CNTN4: variants seen among roughly 807,000 people sequenced by gnomAD.
The protein encoded by CNTN4 is contactin-4.
A neutral mutation model predicts 122.5 loss-of-function variants in CNTN4; 77 were observed. The observed-to-expected ratio is 0.63, with a 90% CI of 0.52 to 0.76. The LOEUF is 0.76. Ranked by LOEUF, CNTN4 falls within the 30% of genes least tolerant of loss-of-function variation. CNTN4 has a pLI of 0.00. For synonymous variants in CNTN4, 512 were observed against 447.0 expected (o/e 1.15, Z -1.83); for missense variants, 1,256 against 1,259.1 (o/e 1.00, Z 0.04).
At chr3:2,545,091 A>G (rs2078188666) in intron 3 of CNTN4, among the ~76,000 whole-genome samples, 1 of 152,038 alleles carries the variant, frequency 6.6e-6, no homozygotes, top group African/African-American at 2.4e-5. Context: ...TATTAGTTTC[A>G]AAGAATTTCT....
intron 3 of CNTN4, among the ~76,000 whole-genome samples, chr3:2,422,722 C>T (rs932680871): frequency 6.6e-6 from 1 of 152,172 alleles, no homozygotes; most frequent in Non-Finnish European, 1.5e-5. Context: ...CTCTTTGTCA[C>T]ATAGTGTAGA....
intron 2 of CNTN4, among the ~76,000 whole-genome samples, chr3:2,168,221 A>G (rs2036288391): frequency 6.6e-6 from 1 of 152,228 alleles, no homozygotes. Context: ...ATTTGATCAT[A>G]TATGTAAAGA....
At chr3:2,514,480 A>AG (rs1400530922) in intron 3 of CNTN4, among the ~76,000 whole-genome samples, 1 of 152,182 alleles carries the variant, frequency 6.6e-6, no homozygotes, top group East Asian at 1.9e-4. Context: ...TTTAAAAAAA[A>AG]AAAAATGAAT....
intron 2 of CNTN4, among the ~76,000 whole-genome samples, chr3:2,104,351 C>A (rs981218402): frequency 2.0e-5 from 3 of 151,998 alleles, no homozygotes; most frequent in Non-Finnish European, 2.9e-5. Flanking sequence ...TCCACAGGGC[C>A]TTGTAACAGG....
At chr3:2,726,175 G>T (rs879536330) in intron 4 of CNTN4, among the ~76,000 whole-genome samples, 6 of 152,054 alleles carry the variant, frequency 3.9e-5, no homozygotes, top group African/African-American at 1.4e-4. Flanking sequence ...GAAGCTCCAG[G>T]CTTCCTTCTG....
intron 2 of CNTN4, among the ~76,000 whole-genome samples, chr3:2,152,260 CTG>C (rs1402632787): frequency 2.6e-5 from 4 of 152,298 alleles, no homozygotes; most frequent in Admixed American, 2.6e-4. Flanking sequence ...AAGAAAGCCT[CTG>C]TAACTGGAAC....
intron 2 of CNTN4, among the ~76,000 whole-genome samples, chr3:2,203,373 G>A (rs563437255): frequency 2.6e-5 from 4 of 152,176 alleles, no homozygotes; most frequent in East Asian, 3.9e-4. Flanking sequence ...GAAATGGGGT[G>A]CTACTATGAT....
chr3:3,046,800 G>A (rs1269608904), intron 23 of CNTN4, among the ~76,000 whole-genome samples: 2 of 145,614 alleles, frequency 1.4e-5, no homozygotes, highest in African/African-American at 5.2e-5. Context: ...AATGTAAATG[G>A]GCTAAATGCT....
chr3:2,634,687 A>AAATAT (rs1553599102), intron 4 of CNTN4, among the ~76,000 whole-genome samples: 1 of 133,142 alleles, frequency 7.5e-6, no homozygotes, highest in African/African-American at 2.9e-5. Context: ...AAAAAAAAAA[A>AAATAT]ATATATATAT....
intron 5 of CNTN4, 24 bp downstream of exon 5, chr3:2,736,365 T>A: frequency 6.2e-7 from 1 of 1,607,276 alleles, no homozygotes; most frequent in South Asian, 1.1e-5. Flanking sequence ...AAAGCATGTG[T>A]TTCCATGCAT....
intron 2 of CNTN4, among the ~76,000 whole-genome samples, chr3:2,319,158 A>C (rs2043202082): frequency 6.6e-6 from 1 of 152,174 alleles, no homozygotes; most frequent in South Asian, 2.1e-4. Flanking sequence ...AATATTAATC[A>C]ATATATATCA....
intron 2 of CNTN4, among the ~76,000 whole-genome samples, chr3:2,161,251 A>C (rs558562565): frequency 5.9e-4 from 90 of 152,252 alleles, no homozygotes; most frequent in Non-Finnish European, 3.8e-4. Flanking sequence ...GGAGGGGCTG[A>C]AACATTAATT....
intron 21 of CNTN4, 73 bp downstream of exon 21, chr3:3,042,495 T>C: frequency 1.0e-6 from 1 of 986,658 alleles, no homozygotes; most frequent in Non-Finnish European, 1.6e-6. Flanking sequence ...AGTCACATTC[T>C]TATAGGAAGA....
chr3:2,631,875 A>AC (rs1576290042), intron 4 of CNTN4, among the ~76,000 whole-genome samples: 1 of 132,306 alleles, frequency 7.6e-6, no homozygotes, highest in African/African-American at 3.8e-5. Context: ...CAAAAAAAAA[A>AC]AAACAAAAAA....
intron 4 of CNTN4, among the ~76,000 whole-genome samples, chr3:2,668,802 AG>A (rs568792352): frequency 6.4e-4 from 97 of 152,322 alleles, no homozygotes; most frequent in African/African-American, 2.3e-3. Context: ...TTTAGCATGA[AG>A]GGCTGTTGAA....
chr3:2,767,633 C>T (rs1253964376), intron 6 of CNTN4, among the ~76,000 whole-genome samples: 2 of 152,116 alleles, frequency 1.3e-5, no homozygotes, highest in African/African-American at 4.8e-5. Context: ...GTGGAAAATG[C>T]ACAGCCGATT....
chr3:2,569,539 A>G (rs953496156), intron 3 of CNTN4, among the ~76,000 whole-genome samples: 1 of 152,162 alleles, frequency 6.6e-6, no homozygotes, highest in African/African-American at 2.4e-5. Flanking sequence ...TAAATGTAAT[A>G]TATTTTTTTA....
chr3:2,224,108 A>T (rs1031329935), intron 2 of CNTN4, among the ~76,000 whole-genome samples: 2 of 152,152 alleles, frequency 1.3e-5, no homozygotes, highest in East Asian at 3.8e-4. Context: ...TCTTTTATAG[A>T]TTTAAGTTTC....
At chr3:2,510,920 C>T (rs2076868617) in intron 3 of CNTN4, among the ~76,000 whole-genome samples, 1 of 152,032 alleles carries the variant, frequency 6.6e-6, no homozygotes, top group Non-Finnish European at 1.5e-5. Context: ...GTGTGCCATG[C>T]CAAACCCTTT....
Sources: gnomAD v4.1 joint callset for allele counts (sites outside exome capture counted in the v4.1 genomes callset) on GRCh38, gnomAD v4.1.1 for gene constraint, MANE v1.5 for transcripts, NCBI Gene and HGNC (gene_info 2026-07-23, HGNC 2026-07-21) for gene names.